AMN1: variants seen among roughly 807,000 people sequenced by gnomAD.
The protein encoded by AMN1 is antagonist of mitotic exit network 1 homolog.
Under a neutral mutation model 33.0 loss-of-function variants are expected in AMN1, and 20 were observed. The observed-to-expected ratio is 0.61, with a 90% CI of 0.43 to 0.88. The LOEUF (loss-of-function observed/expected upper bound fraction) is 0.88, where lower values mean the gene tolerates loss of function less well. AMN1 is among the 40% of genes least tolerant of loss of function. The probability of loss-of-function intolerance (pLI) is 0.00; values close to 1 mark genes in which losing one functional copy is unlikely to be tolerated. For missense variants in AMN1, 246 were observed against 307.4 expected (o/e 0.80, Z 1.49); for synonymous variants, 114 against 111.9 (o/e 1.02, Z -0.12).
rs552206459 is a variant in AMN1 at position 31,721,127 on chromosome 12, G to T, written c.38+7844C>A. Reference sequence around the variant, plus strand: ...CTTGCCTAACAGTGCAAAGCCAGCTGCTTATATATCTGGCTCCTGCGACAG... The same window carrying T: ...CTTGCCTAACAGTGCAAAGCCAGCTTCTTATATATCTGGCTCCTGCGACAG... On this transcript the variant is annotated intron_variant, in intron 1 of 6. Coordinates refer to ENST00000281471, the MANE Select transcript of AMN1 (RefSeq NM_001113402.2). Among the ~76,000 whole-genome samples, 99 of 152,360 alleles carry T rather than the reference G, an allele frequency of 6.5e-4. 2 individuals are homozygous for T. In the South Asian group the frequency reaches 0.019, roughly 29 times the overall value.
intron 3 of AMN1, among the ~76,000 whole-genome samples, chr12:31,699,426 GA>G (rs1165172554): frequency 1.9e-4 from 17 of 91,334 alleles, no homozygotes; most frequent in South Asian, 3.9e-4. Context: ...AAAAAAGAAA[GA>G]AAAGAAAAGA....
chr12:31,678,637 C>T (rs752086717), intron 6 of AMN1, among the ~76,000 whole-genome samples: 5 of 152,078 alleles, frequency 3.3e-5, no homozygotes, highest in Non-Finnish European at 5.9e-5. Context: ...CCTTATGATC[C>T]GCCCACCTTG....
chr12:31,674,595 A>G (rs1005913681), intron 6 of AMN1, among the ~76,000 whole-genome samples: 2 of 152,170 alleles, frequency 1.3e-5, no homozygotes, highest in African/African-American at 4.8e-5. Context: ...CTTATGTAAC[A>G]TAACATACTC....
At chr12:31,709,004 C>T in intron 2 of AMN1, 1 of 437,726 alleles carries the variant, frequency 2.3e-6, no homozygotes, top group Non-Finnish European at 4.5e-6. Flanking sequence ...ATGGTGAAAC[C>T]CTGTCTCTAC....
chr12:31,688,927 A>G, intron 6 of AMN1, 80 bp downstream of exon 6: 1 of 812,708 alleles, frequency 1.2e-6, no homozygotes, highest in Non-Finnish European at 2.0e-6. Flanking sequence ...TGAATAATGA[A>G]ATGGGTTAAG....
rs1938805034 is a variant in AMN1, at chr12:31,697,883, C to T, written c.391G>A (p.Glu131Lys). Residue 131 changes from glutamate to lysine, a missense_variant, in exon 4 of 7, where the codon GAA becomes AAA. Coordinates refer to ENST00000281471, the MANE Select transcript of AMN1 (RefSeq NM_001113402.2). ...SLKRCCNLTD[E>K]GVVALALNCQ... ...TTGAGTGCAAGAGCAACGACTCCTT[C>T]GTCAGTGAGATTGCAGCATCTTTTC... The T allele has an allele frequency of 2.5e-6, 4 of 1,613,966 alleles. No homozygotes were observed. The highest frequency in any genetic ancestry group is 2.5e-6 in the Non-Finnish European group (3 of 1,179,884).
intron 2 of AMN1, among the ~76,000 whole-genome samples, chr12:31,703,096 C>A (rs1259892849): frequency 1.3e-5 from 2 of 152,160 alleles, no homozygotes; most frequent in Non-Finnish European, 2.9e-5. Context: ...ACCCCACTGC[C>A]CGCCCCCAAG....
At chr12:31,672,481 A>G (rs954492266) in intron 6 of AMN1, 104 bp from the exon 7 acceptor site, 7 of 810,904 alleles carry the variant, frequency 8.6e-6, no homozygotes, top group African/African-American at 8.6e-5. Context: ...AGTTATTTAA[A>G]GGATTAAAGG....
At position 31,683,897 on chromosome 12, in the gene AMN1, AT is replaced by A. The variant is rs1938138083; in HGVS notation, c.703+5109del. On this transcript the variant is annotated intron_variant, in intron 6 of 6. Transcript: ENST00000281471. This position sits in a 1 kb window ranked among gnomAD's most constrained non-coding sequence, Gnocchi z 4.1. ...GAGGCTGTCATTTCAAAGAAAACAA[AT>A]GACAGAATTTGTTGTCAGTGATAAA... is the stretch of plus-strand genomic sequence containing the variant. 6.6e-6 allele frequency among the ~76,000 whole-genome samples: 1 copy of A among 152,212 alleles called. No individual in the cohort carries two copies. The highest frequency in any genetic ancestry group is 1.5e-5 in the Non-Finnish European group (1 of 68,040).
At position 31,709,914 on chromosome 12, in the gene AMN1, C is replaced by T. The variant is rs16918859; in HGVS notation, c.39-489G>A. ...CAAAAACCTAGTCTGTGTTAAATTA[C>T]GGACAAGATGCTCTTCCTCTACAAT... On this transcript the variant is annotated intron_variant, in intron 1 of 6. Coordinates refer to ENST00000281471, the MANE Select transcript of AMN1 (RefSeq NM_001113402.2). 7.3e-3 allele frequency among the ~76,000 whole-genome samples: 1,115 copies of T among 152,264 alleles called. 19 individuals are homozygous for T. The highest frequency in any genetic ancestry group is 0.025 in the African/African-American group (1,053 of 41,556).
chr12:31,679,371 A>C (rs1448680770), intron 6 of AMN1, among the ~76,000 whole-genome samples: 1 of 152,062 alleles, frequency 6.6e-6, no homozygotes, highest in Admixed American at 6.6e-5. Context: ...TACTAAAAAA[A>C]TACAAAAAAA....
chr12:31,721,657 C>T (rs951042280), intron 1 of AMN1, among the ~76,000 whole-genome samples: 2 of 152,236 alleles, frequency 1.3e-5, no homozygotes, highest in Non-Finnish European at 2.9e-5. Flanking sequence ...CAACAAACAA[C>T]ACGTCCTTGG....
chr12:31,674,775 T>C (rs575174048), intron 6 of AMN1, among the ~76,000 whole-genome samples: 1 of 151,718 alleles, frequency 6.6e-6, no homozygotes, highest in South Asian at 2.1e-4. Context: ...TTCCAGCACT[T>C]TGGGAGGCTG....
chr12:31,710,551 TACACACACAC>T (rs112841301), intron 1 of AMN1, among the ~76,000 whole-genome samples: 32 of 147,532 alleles, frequency 2.2e-4, no homozygotes, highest in Admixed American at 6.1e-4. Flanking sequence ...TCTGTTCTTG[TACACACACAC>T]ACACACACAC....
At chr12:31,679,225 A>C (rs965140502) in intron 6 of AMN1, among the ~76,000 whole-genome samples, 3 of 152,064 alleles carry the variant, frequency 2.0e-5, no homozygotes, top group Non-Finnish European at 2.9e-5. Flanking sequence ...ATTATCCAGA[A>C]TCTAAGTAAA....
At chr12:31,673,318 A>G (rs1181800600) in intron 6 of AMN1, among the ~76,000 whole-genome samples, 1 of 152,190 alleles carries the variant, frequency 6.6e-6, no homozygotes, top group Non-Finnish European at 1.5e-5. Flanking sequence ...AAGTTTAACA[A>G]AATTAAGCAA....
At chr12:31,677,426 G>A (rs189511448) in intron 6 of AMN1, among the ~76,000 whole-genome samples, 2 of 152,220 alleles carry the variant, frequency 1.3e-5, no homozygotes, top group East Asian at 1.9e-4. Context: ...CCTAGTAACA[G>A]TTAAGCCACT....
intron 1 of AMN1, among the ~76,000 whole-genome samples, chr12:31,712,662 T>A (rs1939514888): frequency 1.3e-5 from 2 of 152,150 alleles, no homozygotes; most frequent in Non-Finnish European, 2.9e-5. Context: ...ATTTTGGTTA[T>A]TTTTATTTTT....
chr12:31,726,663 C>T (rs191423804), intron 1 of AMN1, among the ~76,000 whole-genome samples: 1 of 152,344 alleles, frequency 6.6e-6, no homozygotes, highest in Admixed American at 6.5e-5. Flanking sequence ...CTTAGTGACA[C>T]ACTTAATTAC....
Sources: gnomAD v4.1 joint callset for allele counts (sites outside exome capture counted in the v4.1 genomes callset) on GRCh38, gnomAD v4.1.1 for gene constraint, Gnocchi (gnomAD v3.1) non-coding constraint, MANE v1.5 for transcripts, NCBI Gene and HGNC (gene_info 2026-07-23, HGNC 2026-07-21) for gene names.